The following MINAR1 variants were observed in gnomAD, a reference collection of about 807,000 sequenced individuals.
MINAR1 encodes membrane integral NOTCH2 associated receptor 1, also known as major intrinsically disordered Notch2-binding receptor 1.
Under a neutral mutation model 65.1 loss-of-function variants are expected in MINAR1, and 40 were observed. The observed-to-expected ratio is 0.61, with a 90% CI of 0.48 to 0.80. The LOEUF is 0.80. Ranked by LOEUF, MINAR1 falls within the 30% of genes least tolerant of loss-of-function variation. The probability of loss-of-function intolerance (pLI) is 0.00; values close to 1 mark genes in which losing one functional copy is unlikely to be tolerated. For synonymous variants in MINAR1, 482 were observed against 449.1 expected (o/e 1.07, Z -0.93); for missense variants, 1,128 against 1,148.0 (o/e 0.98, Z 0.25).
intron 1 of MINAR1, among the ~76,000 whole-genome samples, chr15:79,453,407 T>C (rs1895305369): frequency 6.8e-6 from 1 of 147,914 alleles, no homozygotes; most frequent in Admixed American, 6.9e-5. Flanking sequence ...ATTATATAGT[T>C]ACTTCCTCTC....
chr15:79,457,203 G>T lies in MINAR1; in HGVS notation c.1056G>T (p.Arg352Ser). The change falls in exon 2 of 4, where the codon AGG becomes AGT. Residue 352 changes from arginine (R) to serine (S), a missense_variant. Arg to Ser is a moderately radical substitution (Grantham distance 110). Coordinates refer to ENST00000305428, the MANE Select transcript of MINAR1 (RefSeq NM_015206.3). ...PTPVMGTQEARRCLGKPNKQT... is the reference protein window; with the variant it reads ...PTPVMGTQEASRCLGKPNKQT... ...CCGTGATGGGAACCCAAGAAGCCAG[G>T]CGCTGTCTAGGGAAGCCCAACAAGC... 6.2e-7 allele frequency: 1 copy of T among 1,614,078 alleles called. No individual in the cohort carries two copies. The highest frequency in any genetic ancestry group is 8.5e-7 in the Non-Finnish European group (1 of 1,179,990).
At position 79,468,762 on chromosome 15, in the gene MINAR1, C is replaced by CTCTT. The variant is rs1369575857; in HGVS notation, c.*380_*383dup. ...TATACAGAAGATATTTAATACACGC[C>CTCTT]TCTTTAGAAGAAACTAAGGGAAATA... On this transcript the variant is annotated 3_prime_UTR_variant, in exon 4 of 4. Transcript: ENST00000305428. The CTCTT allele has an allele frequency of 4.5e-6, 1 of 221,506 alleles. No homozygotes were observed. Among genetic ancestry groups the CTCTT allele is most frequent in the African/African-American group, 2.3e-5 (1 of 43,356 alleles). The allele number at this position is 221,506 out of a possible 1,614,324, so 13.7% of individuals were successfully genotyped here. A position where few individuals can be genotyped will look rare whatever the true frequency, so the allele number is the denominator to read the frequency against.
At position 79,469,800 on chromosome 15, in the gene MINAR1, A is replaced by ATAT. The variant is rs1406929512; in HGVS notation, c.*1418_*1420dup. On this transcript the variant is annotated 3_prime_UTR_variant, in exon 4 of 4. Transcript: ENST00000305428. ...TTGACAGAAACTAGCTACCTTATAT[A>ATAT]TATTTTTTGATAATAAGGTGGGATA... The ATAT allele has an allele frequency of 1.3e-5, 2 of 152,624 alleles. No individual in the cohort carries two copies. Among genetic ancestry groups the ATAT allele is most frequent in the Non-Finnish European group, 2.9e-5 (2 of 68,032 alleles). The allele number at this position is 152,624 out of a possible 1,614,324, so 9.5% of individuals were successfully genotyped here.
At chr15:79,434,854 G>T (rs112800667) in intron 1 of MINAR1, among the ~76,000 whole-genome samples, 1,828 of 152,236 alleles carry the variant, frequency 0.012, 40 homozygotes, top group African/African-American at 0.042. Context: ...GGTAAATTAT[G>T]TAACTTTAAT....
chr15:79,460,599 T>C (rs1338863027), intron 2 of MINAR1, among the ~76,000 whole-genome samples: 3 of 152,208 alleles, frequency 2.0e-5, no homozygotes, highest in South Asian at 2.1e-4. Context: ...CCGGGGATCC[T>C]TGGGCACATT....
At chr15:79,435,869 A>G (rs1005192913) in intron 1 of MINAR1, among the ~76,000 whole-genome samples, 17 of 152,254 alleles carry the variant, frequency 1.1e-4, no homozygotes, top group African/African-American at 3.9e-4. Flanking sequence ...AAGCATATAT[A>G]TGGTGGCTAT....
Position 79,471,175 on chromosome 15 carries a change from C to T in MINAR1, c.*2791C>T, listed in dbSNP as rs1390477171. The T allele has an allele frequency of 6.6e-6, 1 of 152,142 alleles. No individual in the cohort carries two copies. The highest frequency in any genetic ancestry group is 1.9e-4 in the East Asian group (1 of 5,204). 9.4% of individuals were successfully genotyped at this position (152,142 alleles called of 1,614,324 possible). ...ACTGGCCTCTCTACTGTACTGGGTG[C>T]CATCTCCCACCATACTCTGGCATTT... is the stretch of plus-strand genomic sequence containing the variant. On this transcript the variant is annotated 3_prime_UTR_variant, in exon 4 of 4. Transcript: ENST00000305428.
chr15:79,468,104 C>A, intron 3 of MINAR1, 83 bp from the exon 4 acceptor site: 1 of 1,112,442 alleles, frequency 9.0e-7, no homozygotes. Context: ...AACTTAAGTG[C>A]TTCAGGAGTG....
At chr15:79,432,627 C>T (rs1284501696) in intron 1 of MINAR1, 87 bp downstream of exon 1, 1 of 151,474 alleles carries the variant, frequency 6.6e-6, no homozygotes. Flanking sequence ...GCCCGCGGCT[C>T]GGTGCACACG....
intron 3 of MINAR1, among the ~76,000 whole-genome samples, chr15:79,464,336 C>T (rs1445408392): frequency 6.6e-6 from 1 of 152,102 alleles, no homozygotes; most frequent in African/African-American, 2.4e-5. Context: ...AAAAGAAGGC[C>T]CTTGGGGGCT....
chr15:79,427,955 A>G (rs150177078), upstream of MINAR1, among the ~76,000 whole-genome samples: 927 of 152,296 alleles, frequency 6.1e-3, 1 homozygote, highest in Non-Finnish European at 0.01. Context: ...ACCCATGCCA[A>G]TGACATGATT....
At chr15:79,419,898 G>C in the MINAR1 span, 1 of 152,022 alleles carries the variant, frequency 6.6e-6, no homozygotes, top group African/African-American at 2.4e-5. Context: ...TAGAAAGAAT[G>C]GTGGTGAGAA....
At chr15:79,442,903 T>C (rs927655085) in intron 1 of MINAR1, among the ~76,000 whole-genome samples, 1 of 152,212 alleles carries the variant, frequency 6.6e-6, no homozygotes, top group Non-Finnish European at 1.5e-5. Flanking sequence ...GTTTGTTTTT[T>C]GTTTGTTTTT....
At chr15:79,419,808 A>G in the MINAR1 span, 1 of 152,224 alleles carries the variant, frequency 6.6e-6, no homozygotes, top group Non-Finnish European at 1.5e-5. Flanking sequence ...AATACATAGC[A>G]TAAAGGGAAT....
chr15:79,428,283 C>CCTCT (rs1370555313), upstream of MINAR1, among the ~76,000 whole-genome samples: 662 of 49,090 alleles, frequency 0.013, 39 homozygotes, highest in East Asian at 0.19. Flanking sequence ...TCCCTCTCTC[C>CCTCT]CTCCCTCCCT....
At chr15:79,432,782 G>A (rs982651747) in intron 1 of MINAR1, among the ~76,000 whole-genome samples, 3 of 152,220 alleles carry the variant, frequency 2.0e-5, no homozygotes, top group African/African-American at 7.2e-5. Context: ...GCGGGGCGGG[G>A]CCGCACCTGG....
chr15:79,436,481 T>C (rs1894602728), intron 1 of MINAR1, among the ~76,000 whole-genome samples: 1 of 152,188 alleles, frequency 6.6e-6, no homozygotes, highest in South Asian at 2.1e-4. Flanking sequence ...TTTCATAGTT[T>C]AGAGAGAAGC....
the MINAR1 span, chr15:79,414,878 A>G: frequency 6.6e-6 from 1 of 152,244 alleles, no homozygotes; most frequent in African/African-American, 2.4e-5. Context: ...CAAGACGGGT[A>G]CAAACCAGCA....
intron 1 of MINAR1, among the ~76,000 whole-genome samples, chr15:79,440,738 T>G (rs1894847035): frequency 6.6e-6 from 1 of 152,182 alleles, no homozygotes; most frequent in South Asian, 2.1e-4. Context: ...AAGGTATCTT[T>G]CCCCTGCGCC....
Sources: gnomAD v4.1 joint callset for allele counts (sites outside exome capture counted in the v4.1 genomes callset) on GRCh38, gnomAD v4.1.1 for gene constraint, MANE v1.5 for transcripts, NCBI Gene and HGNC (gene_info 2026-07-23, HGNC 2026-07-21) for gene names.